Variants in TLN2 observed in about 807,000 individuals in gnomAD.
TLN2 encodes talin 2.
Under a neutral mutation model 294.7 loss-of-function variants are expected in TLN2, and 118 were observed. That is an observed-to-expected ratio of 0.40 (90% CI 0.34 to 0.47). The LOEUF (loss-of-function observed/expected upper bound fraction) is 0.47, where lower values mean the gene tolerates loss of function less well. Ranked by LOEUF, TLN2 falls within the 20% of genes least tolerant of loss-of-function variation. The probability of loss-of-function intolerance (pLI) is 0.84; values close to 1 mark genes in which losing one functional copy is unlikely to be tolerated. For missense variants in TLN2, 3,083 were observed against 3,282.2 expected (o/e 0.94, Z 1.48); for synonymous variants, 1,431 against 1,304.5 (o/e 1.10, Z -2.09).
chr15:62,450,577 G>C (rs1040018883), intron 1 of TLN2, among the ~76,000 whole-genome samples: 1 of 151,084 alleles, frequency 6.6e-6, no homozygotes, highest in Non-Finnish European at 1.5e-5. Context: ...GTGTGTGTCT[G>C]TGTGTGTGTG....
At chr15:62,840,340 T>G (rs1596230724) in intron 58 of TLN2, 142 bp from the exon 59 acceptor site, 52 of 1,229,606 alleles carry the variant, frequency 4.2e-5, no homozygotes, top group East Asian at 2.4e-5. Flanking sequence ...CAGAGGCTGG[T>G]CGCCAGAGCT....
intron 48 of TLN2, among the ~76,000 whole-genome samples, chr15:62,799,609 C>A (rs1375159059): frequency 1.3e-5 from 2 of 152,216 alleles, no homozygotes; most frequent in Non-Finnish European, 2.9e-5. Flanking sequence ...AAGCGTGAAA[C>A]AAAGCAGAAG....
At chr15:62,464,250 AG>A (rs2036979882) in intron 1 of TLN2, among the ~76,000 whole-genome samples, 1 of 152,262 alleles carries the variant, frequency 6.6e-6, no homozygotes, top group Non-Finnish European at 1.5e-5. Context: ...GCCATAAAAA[AG>A]GATGAGTTCA....
At chr15:62,426,664 C>T (rs534814251) in intron 1 of TLN2, among the ~76,000 whole-genome samples, 2 of 152,260 alleles carry the variant, frequency 1.3e-5, no homozygotes, top group Non-Finnish European at 2.9e-5. Context: ...GTGAGCTGTT[C>T]ATTCAGTTTT....
intron 37 of TLN2, among the ~76,000 whole-genome samples, chr15:62,756,861 A>G (rs2062290949): frequency 6.6e-6 from 1 of 152,032 alleles, no homozygotes; most frequent in Non-Finnish European, 1.5e-5. Context: ...CTCGCACCCC[A>G]GTCAGCAGCT....
chr15:62,393,849 C>CTTT (rs35651315), intron 1 of TLN2, among the ~76,000 whole-genome samples: 6 of 138,286 alleles, frequency 4.3e-5, no homozygotes, highest in Non-Finnish European at 9.4e-5. Context: ...TTGCCTGATT[C>CTTT]TTTTTTTTTT....
chr15:62,586,497 T>C (rs2045624895), intron 1 of TLN2, among the ~76,000 whole-genome samples: 1 of 152,238 alleles, frequency 6.6e-6, no homozygotes, highest in East Asian at 1.9e-4. Context: ...GTTATGAAGA[T>C]ACATGTATTA....
At chr15:62,661,929 G>A (rs1405817157) in intron 9 of TLN2, among the ~76,000 whole-genome samples, 1 of 152,150 alleles carries the variant, frequency 6.6e-6, no homozygotes, top group South Asian at 2.1e-4. Flanking sequence ...TTGTGAACCT[G>A]TATATGTGCC....
At chr15:62,560,645 T>G (rs2042882744) in intron 1 of TLN2, among the ~76,000 whole-genome samples, 1 of 152,200 alleles carries the variant, frequency 6.6e-6, no homozygotes, top group Non-Finnish European at 1.5e-5. Context: ...TGTTTTGATG[T>G]GAAATTTTTC....
At chr15:62,712,959 A>G (rs1453362985) in intron 22 of TLN2, among the ~76,000 whole-genome samples, 7 of 151,784 alleles carry the variant, frequency 4.6e-5, no homozygotes, top group Non-Finnish European at 7.3e-5. Flanking sequence ...TTTTAAATGT[A>G]TTTCTATGCA....
At chr15:62,736,773 G>A in intron 28 of TLN2, 105 bp from the exon 29 acceptor site, 5 of 1,224,340 alleles carry the variant, frequency 4.1e-6, no homozygotes, top group Non-Finnish European at 5.7e-6. Flanking sequence ...AGACTAATCT[G>A]CAGCTCCCCT....
intron 1 of TLN2, among the ~76,000 whole-genome samples, chr15:62,454,211 G>A (rs781070793): frequency 6.6e-6 from 1 of 152,158 alleles, no homozygotes; most frequent in Non-Finnish European, 1.5e-5. Context: ...ATTGTACTCC[G>A]GATGTTTCTT....
intron 19 of TLN2, among the ~76,000 whole-genome samples, chr15:62,703,120 T>TA (rs1380569798): frequency 1.3e-5 from 2 of 151,486 alleles, no homozygotes; most frequent in East Asian, 1.9e-4. Context: ...TTTTTTTTTT[T>TA]AAATTAGAGT....
At chr15:62,575,758 T>A (rs2044337726) in intron 1 of TLN2, among the ~76,000 whole-genome samples, 1 of 152,192 alleles carries the variant, frequency 6.6e-6, no homozygotes. Flanking sequence ...TTTATCAGTG[T>A]TCAAGCTATA....
At chr15:62,605,895 A>G (rs929948625) in intron 2 of TLN2, among the ~76,000 whole-genome samples, 1 of 152,116 alleles carries the variant, frequency 6.6e-6, no homozygotes, top group East Asian at 1.9e-4. Flanking sequence ...TGGTACCACA[A>G]TCAGGGGCAG....
chr15:62,441,894 G>C (rs1415464312), intron 1 of TLN2, among the ~76,000 whole-genome samples: 1 of 152,114 alleles, frequency 6.6e-6, no homozygotes, highest in Non-Finnish European at 1.5e-5. Context: ...CCCCCCTAGA[G>C]GGCATGGAAG....
At chr15:62,540,208 A>G (rs1040944285) in intron 1 of TLN2, among the ~76,000 whole-genome samples, 1 of 151,952 alleles carries the variant, frequency 6.6e-6, no homozygotes, top group Admixed American at 6.6e-5. Flanking sequence ...GGGCATGGTG[A>G]TGGGTCCTGT....
Position 62,495,783 on chromosome 15 carries a change from C to T in TLN2, c.-237-93904C>T, listed in dbSNP as rs770289503. Among the ~76,000 whole-genome samples, 3 of 152,094 alleles carry T rather than the reference C, an allele frequency of 2.0e-5. No individual in the cohort carries two copies. In the East Asian group the frequency reaches 5.8e-4, roughly 29 times the overall value. On this transcript the variant is annotated intron_variant, in intron 1 of 58. Transcript: ENST00000636159. ...CCTAAAGGGCCACATTCCACTTGATCCCTTTTATTAACGAAATTGTACTTT... is the reference window on the plus strand; with the variant it reads ...CCTAAAGGGCCACATTCCACTTGATTCCTTTTATTAACGAAATTGTACTTT...
chr15:62,416,667 C>G (rs1297649791), intron 1 of TLN2, among the ~76,000 whole-genome samples: 1 of 152,180 alleles, frequency 6.6e-6, no homozygotes. Context: ...AGAGATGACT[C>G]TCAAGCCATT....
Sources: gnomAD v4.1 joint callset for allele counts (sites outside exome capture counted in the v4.1 genomes callset) on GRCh38, gnomAD v4.1.1 for gene constraint, MANE v1.5 for transcripts, NCBI Gene and HGNC (gene_info 2026-07-23, HGNC 2026-07-21) for gene names.